Variants in KIRREL3 observed in about 807,000 individuals in gnomAD.
The protein encoded by KIRREL3 is kirre like nephrin family adhesion molecule 3, also known as kin of IRRE-like protein 3.
A neutral mutation model predicts 89.7 loss-of-function variants in KIRREL3; 36 were observed. The ratio of observed to expected loss-of-function variants is 0.40; its 90% CI spans 0.31 to 0.53. The LOEUF is 0.53. KIRREL3 is among the 20% of genes least tolerant of loss of function. The pLI, the probability that KIRREL3 is intolerant of heterozygous loss-of-function variation, is 0.49. For missense variants in KIRREL3, 864 were observed against 1,056.6 expected (o/e 0.82, Z 2.53); for synonymous variants, 445 against 441.4 (o/e 1.01, Z -0.10).
At chr11:126,861,251 G>A (rs1261442440) in intron 1 of KIRREL3, among the ~76,000 whole-genome samples, 1 of 152,166 alleles carries the variant, frequency 6.6e-6, no homozygotes, top group Non-Finnish European at 1.5e-5. Context: ...GTCTGCAAGG[G>A]AGAGTGAGGC....
chr11:126,436,810 C>A lies in KIRREL3; in HGVS notation c.1552+1G>T. On this transcript the variant is annotated splice_donor_variant, in intron 12 of 16. Coordinates refer to ENST00000525144, the MANE Select transcript of KIRREL3 (RefSeq NM_032531.4). LOFTEE classifies it high-confidence loss of function. ...TCCCTCATGGCCCTGGCAGCTCTCA[C>A]CTTGCTCCTTGAGCCGGATGATCTC... 1 of 1,613,452 alleles carries A rather than the reference C, an allele frequency of 6.2e-7. No homozygotes were observed. Among genetic ancestry groups the A allele is most frequent in the Non-Finnish European group, 8.5e-7 (1 of 1,179,868 alleles).
Position 126,896,442 on chromosome 11 carries a change from G to A in KIRREL3, c.55+104013C>T, listed in dbSNP as rs1174798096. Among the ~76,000 whole-genome samples, 1 of 152,192 alleles carries A rather than the reference G, an allele frequency of 6.6e-6. No individual in the cohort carries two copies. The highest frequency in any genetic ancestry group is 1.5e-5 in the Non-Finnish European group (1 of 68,048). ...CCTGTATGCCTGTTGAGATGCCCAT[G>A]CCCTTTCCAGAGCTACAGACAGGCA... On this transcript the variant is annotated intron_variant, in intron 1 of 16. Transcript: ENST00000525144. The surrounding 1 kb of genome is among the most constrained non-coding windows in gnomAD (Gnocchi z 4.1).
rs1158326598 is a variant in KIRREL3 at position 126,459,399 on chromosome 11, TG to T, written c.743-2946del. Reference sequence around the variant, plus strand: ...TTTCCCTTCCTCTTAGCATCGTCTTTGGTGATCACCTGCCCCGAAGCGATTC... The same window carrying T: ...TTTCCCTTCCTCTTAGCATCGTCTTTGTGATCACCTGCCCCGAAGCGATTC... On this transcript the variant is annotated intron_variant, in intron 6 of 16. Coordinates refer to ENST00000525144, the MANE Select transcript of KIRREL3 (RefSeq NM_032531.4). The surrounding 1 kb of genome is among the most constrained non-coding windows in gnomAD (Gnocchi z 4.8). Among the ~76,000 whole-genome samples, 1 of 152,182 alleles carries T rather than the reference TG, an allele frequency of 6.6e-6. No individual in the cohort carries two copies. The highest frequency in any genetic ancestry group is 1.5e-5 in the Non-Finnish European group (1 of 68,026).
intron 4 of KIRREL3, among the ~76,000 whole-genome samples, chr11:126,518,078 T>G (rs1277097179): frequency 6.6e-6 from 1 of 152,196 alleles, no homozygotes; most frequent in Non-Finnish European, 1.5e-5. Context: ...CTTTGCAAAC[T>G]CAGGCCTTCC....
At position 126,723,220 on chromosome 11, in the gene KIRREL3, TC is replaced by T. The variant is rs1384447939; in HGVS notation, c.56-160309del. Among the ~76,000 whole-genome samples the T allele has an allele frequency of 1.3e-5, 2 of 152,114 alleles. No individual in the cohort carries two copies. The highest frequency in any genetic ancestry group is 2.9e-5 in the Non-Finnish European group (2 of 68,036). ...GGTACTTAGCATACAGAGCTGGATT[TC>T]CCCCACTGAAACCTCCACAGCCCTC... On this transcript the variant is annotated intron_variant, in intron 1 of 16. Coordinates refer to ENST00000525144, the MANE Select transcript of KIRREL3 (RefSeq NM_032531.4). The surrounding 1 kb of genome is among the most constrained non-coding windows in gnomAD (Gnocchi z 4.0).
At chr11:126,823,573 G>A (rs776369513) in intron 1 of KIRREL3, among the ~76,000 whole-genome samples, 7 of 152,166 alleles carry the variant, frequency 4.6e-5, no homozygotes, top group Non-Finnish European at 8.8e-5. Context: ...TCCAGAGCCT[G>A]GATGGTCTCA....
Position 126,904,769 on chromosome 11 carries a change from G to A in KIRREL3, c.55+95686C>T, listed in dbSNP as rs1212390536. 2.6e-5 allele frequency among the ~76,000 whole-genome samples: 4 copies of A among 152,136 alleles called. No homozygotes were observed. The highest frequency in any genetic ancestry group is 1.3e-4 in the Admixed American group (2 of 15,268). Reference sequence around the variant, plus strand: ...CTTGTCTCGTCTATTTTTATCCTATGTTCACTCAATATTTGTAGCATTCTC... The same window carrying A: ...CTTGTCTCGTCTATTTTTATCCTATATTCACTCAATATTTGTAGCATTCTC... On this transcript the variant is annotated intron_variant, in intron 1 of 16. Coordinates refer to ENST00000525144, the MANE Select transcript of KIRREL3 (RefSeq NM_032531.4). This position sits in a 1 kb window ranked among gnomAD's most constrained non-coding sequence, Gnocchi z 4.4.
chr11:126,521,581 G>A lies in KIRREL3; in HGVS notation c.284-117C>T. On this transcript the variant is annotated intron_variant, in intron 3 of 16. Coordinates refer to ENST00000525144, the MANE Select transcript of KIRREL3 (RefSeq NM_032531.4). The surrounding 1 kb of genome is among the most constrained non-coding windows in gnomAD (Gnocchi z 4.1). ...CCATTCTACAAGGCTGGCAGAGCGG[G>A]TGATTGCTCAGGGCTCTGATCTCAG... is the stretch of plus-strand genomic sequence containing the variant. 1.1e-6 allele frequency: 1 copy of A among 903,026 alleles called. No individual in the cohort carries two copies. The highest frequency in any genetic ancestry group is 1.7e-6 in the Non-Finnish European group (1 of 598,790). 55.9% of individuals were successfully genotyped at this position (903,026 alleles called of 1,614,324 possible). A position where few individuals can be genotyped will look rare whatever the true frequency, so the allele number is the denominator to read the frequency against.
Position 126,640,071 on chromosome 11 carries a change from G to A in KIRREL3, c.56-77159C>T, listed in dbSNP as rs1399219836. On this transcript the variant is annotated intron_variant, in intron 1 of 16. Coordinates refer to ENST00000525144, the MANE Select transcript of KIRREL3 (RefSeq NM_032531.4). This position sits in a 1 kb window ranked among gnomAD's most constrained non-coding sequence, Gnocchi z 4.9. ...TGAATATGAAATGAACGTGCCCAGA[G>A]AAGACAATTAATCTCCCACCTTCCC... Among the ~76,000 whole-genome samples, 1 of 152,170 alleles carries A rather than the reference G, an allele frequency of 6.6e-6. No homozygotes were observed. The highest frequency in any genetic ancestry group is 1.5e-5 in the Non-Finnish European group (1 of 68,020).
Position 126,709,777 on chromosome 11 carries a change from G to T in KIRREL3, c.56-146865C>A, listed in dbSNP as rs1158420756. Among the ~76,000 whole-genome samples the T allele has an allele frequency of 6.6e-6, 1 of 152,182 alleles. No homozygotes were observed. Among genetic ancestry groups the T allele is most frequent in the African/African-American group, 2.4e-5 (1 of 41,456 alleles). On this transcript the variant is annotated intron_variant, in intron 1 of 16. Coordinates refer to ENST00000525144, the MANE Select transcript of KIRREL3 (RefSeq NM_032531.4). The surrounding 1 kb of genome is among the most constrained non-coding windows in gnomAD (Gnocchi z 4.0). ...AATTGTGAGAAAATAAGTTTCTGTTGTTTAAGCCACAAGATCGTGGTATTT... is the reference window on the plus strand; with the variant it reads ...AATTGTGAGAAAATAAGTTTCTGTTTTTTAAGCCACAAGATCGTGGTATTT...
In KIRREL3 at chr11:126,795,257, C is replaced by T. The variant is rs1251297944; in HGVS notation, c.55+205198G>A. On this transcript the variant is annotated intron_variant, in intron 1 of 16. Transcript: ENST00000525144. The surrounding 1 kb of genome is among the most constrained non-coding windows in gnomAD (Gnocchi z 4.1). ...GGGACTTCAATTCATAACAATGTAT[C>T]TATATTGGCTTACCAATGGTAACAG... Among the ~76,000 whole-genome samples, 6 of 152,182 alleles carry T rather than the reference C, an allele frequency of 3.9e-5. No homozygotes were observed. The highest frequency in any genetic ancestry group is 8.8e-5 in the Non-Finnish European group (6 of 68,044).
In KIRREL3 at chr11:126,425,742, C is replaced by A. The variant is rs1269858912; in HGVS notation, c.1807-18G>T. 1 of 1,579,352 alleles carries A rather than the reference C, an allele frequency of 6.3e-7. No individual in the cohort carries two copies. The highest frequency in any genetic ancestry group is 1.2e-5 in the South Asian group (1 of 86,212). On this transcript the variant is annotated intron_variant, in intron 15 of 16. Transcript: ENST00000525144. ...CGGTCCATCTGCAACCCAAAAAAGGCTGCTCAGTAGATAGGAGGTGGCTAA... is the reference window on the plus strand; with the variant it reads ...CGGTCCATCTGCAACCCAAAAAAGGATGCTCAGTAGATAGGAGGTGGCTAA...
At chr11:126,434,590 T>G (rs1191154306) in intron 13 of KIRREL3, among the ~76,000 whole-genome samples, 5 of 152,116 alleles carry the variant, frequency 3.3e-5, no homozygotes, top group Admixed American at 1.3e-4. Flanking sequence ...ACCACTCAAG[T>G]CTTCAGCATG....
rs191768389 is a variant in KIRREL3, at chr11:126,748,281, A to G, written c.56-185369T>C. 6.6e-6 allele frequency among the ~76,000 whole-genome samples: 1 copy of G among 152,326 alleles called. No homozygotes were observed. Among genetic ancestry groups the G allele is most frequent in the African/African-American group, 2.4e-5 (1 of 41,576 alleles). On this transcript the variant is annotated intron_variant, in intron 1 of 16. Transcript: ENST00000525144. This position sits in a 1 kb window ranked among gnomAD's most constrained non-coding sequence, Gnocchi z 4.6. ...CCTTTTACTCCCTTGCCCAGGCTTC[A>G]GCGGCAGAAGACAGTGTAAGCCCCA... is the stretch of plus-strand genomic sequence containing the variant.
rs965434518 is a variant in KIRREL3 at position 126,811,242 on chromosome 11, G to C, written c.55+189213C>G. 6.6e-6 allele frequency among the ~76,000 whole-genome samples: 1 copy of C among 152,194 alleles called. No individual in the cohort carries two copies. The highest frequency in any genetic ancestry group is 2.4e-5 in the African/African-American group (1 of 41,446). On this transcript the variant is annotated intron_variant, in intron 1 of 16. Coordinates refer to ENST00000525144, the MANE Select transcript of KIRREL3 (RefSeq NM_032531.4). This position sits in a 1 kb window ranked among gnomAD's most constrained non-coding sequence, Gnocchi z 4.3. ...CTGAGAATTCTTCTGTTTTCCAGGA[G>C]GTGTCCCTAGTACCCTTCCCACCCG... is the stretch of plus-strand genomic sequence containing the variant.
rs758306972 is a variant in KIRREL3 at position 126,738,139 on chromosome 11, G to A, written c.56-175227C>T. Among the ~76,000 whole-genome samples the A allele has an allele frequency of 1.2e-4, 18 of 152,248 alleles. 1 individual carries two copies. In the East Asian group the frequency reaches 2.3e-3, roughly 20 times the overall value. On this transcript the variant is annotated intron_variant, in intron 1 of 16. Transcript: ENST00000525144. ...ATACACGAGTATACCTAGACCTTCC[G>A]ATATGCCAGCTGCCAAGCATGTGCC...
intron 1 of KIRREL3, among the ~76,000 whole-genome samples, chr11:126,925,438 GAC>G (rs1663232273): frequency 6.6e-6 from 1 of 152,228 alleles, no homozygotes; most frequent in African/African-American, 2.4e-5. Flanking sequence ...TAGGCCTGGA[GAC>G]ACAGAGGCTG....
chr11:126,633,684 A>G (rs560002096), intron 1 of KIRREL3, among the ~76,000 whole-genome samples: 77 of 152,312 alleles, frequency 5.1e-4, no homozygotes, highest in African/African-American at 1.8e-3. Context: ...CCATGAGCCA[A>G]TTAGATCTCT....
In KIRREL3 at chr11:126,879,504, T is replaced by C. The variant is rs1272509310; in HGVS notation, c.55+120951A>G. ...CTATAGGTCCTTCTGATCAACACCA[T>C]GGTCCTTTCTCCCCTCTGATCCTTT... On this transcript the variant is annotated intron_variant, in intron 1 of 16. Transcript: ENST00000525144. The surrounding 1 kb of genome is among the most constrained non-coding windows in gnomAD (Gnocchi z 5.4). 6.6e-6 allele frequency among the ~76,000 whole-genome samples: 1 copy of C among 152,200 alleles called. No individual in the cohort carries two copies. The highest frequency in any genetic ancestry group is 1.5e-5 in the Non-Finnish European group (1 of 68,038).
Sources: allele counts gnomAD v4.1 joint callset (sites outside exome capture counted in the v4.1 genomes callset), GRCh38; gene constraint gnomAD v4.1.1; non-coding constraint Gnocchi (gnomAD v3.1); transcripts MANE v1.5; gene names NCBI Gene and HGNC (gene_info 2026-07-23, HGNC 2026-07-21).